The following LTBP1 variants were observed in gnomAD, a reference collection of about 807,000 sequenced individuals.
The protein encoded by LTBP1 is latent transforming growth factor beta binding protein 1.
A neutral mutation model predicts 207.6 loss-of-function variants in LTBP1; 129 were observed. The ratio of observed to expected loss-of-function variants is 0.62; its 90% CI spans 0.54 to 0.72. The LOEUF (loss-of-function observed/expected upper bound fraction) is 0.72, where lower values mean the gene tolerates loss of function less well. Ranked by LOEUF, LTBP1 falls within the 30% of genes least tolerant of loss-of-function variation. The pLI is 0.00. For synonymous variants in LTBP1, 963 were observed against 833.7 expected, an observed-to-expected ratio of 1.16 and a Z score of -2.67; for missense variants, 2,281 against 2,217.2, an observed-to-expected ratio of 1.03 and a Z score of -0.58.
chr2:33,016,789 G>T (rs1355745011), intron 2 of LTBP1, among the ~76,000 whole-genome samples: 1 of 152,232 alleles, frequency 6.6e-6, no homozygotes, highest in East Asian at 1.9e-4. Flanking sequence ...TTGGGAGGCT[G>T]AAGTGGGTGG....
At chr2:33,174,846 A>T (rs1421139844) in intron 5 of LTBP1, among the ~76,000 whole-genome samples, 1 of 152,134 alleles carries the variant, frequency 6.6e-6, no homozygotes, top group East Asian at 1.9e-4. Context: ...CCTCAGAAAT[A>T]ACGCCGCATA....
chr2:33,313,438 T>TTAA (rs775817711), intron 23 of LTBP1, among the ~76,000 whole-genome samples: 9 of 151,870 alleles, frequency 5.9e-5, no homozygotes, highest in Non-Finnish European at 1.0e-4. Context: ...AAGGGATGAC[T>TTAA]TTATTGAGGA....
At chr2:33,260,253 CTTT>C (rs1387189525) in intron 13 of LTBP1, among the ~76,000 whole-genome samples, 1 of 152,042 alleles carries the variant, frequency 6.6e-6, no homozygotes, top group Non-Finnish European at 1.5e-5. Flanking sequence ...GGCTTTCTTT[CTTT>C]AATAAAAACA....
chr2:33,057,990 C>A (rs1209952053), intron 3 of LTBP1, among the ~76,000 whole-genome samples: 2 of 152,250 alleles, frequency 1.3e-5, no homozygotes, highest in African/African-American at 4.8e-5. Context: ...TGTCACCTCT[C>A]AATATCACTG....
chr2:33,206,660 AC>A (rs1208364694), intron 7 of LTBP1, among the ~76,000 whole-genome samples: 1 of 151,332 alleles, frequency 6.6e-6, no homozygotes, highest in Non-Finnish European at 1.5e-5. Flanking sequence ...AATGGCGTGA[AC>A]CTGGGAGGCG....
At chr2:33,197,713 T>C (rs140741954) in intron 7 of LTBP1, among the ~76,000 whole-genome samples, 87 of 152,186 alleles carry the variant, frequency 5.7e-4, no homozygotes, top group African/African-American at 2.0e-3. Context: ...GACCTAGTTA[T>C]GCCAGATGGT....
At chr2:33,295,701 T>G (rs2093861403) in intron 20 of LTBP1, among the ~76,000 whole-genome samples, 1 of 152,186 alleles carries the variant, frequency 6.6e-6, no homozygotes, top group Admixed American at 6.5e-5. Context: ...TCTGCTTACT[T>G]TTACATCTAA....
intron 3 of LTBP1, among the ~76,000 whole-genome samples, chr2:33,068,276 T>G (rs2077617935): frequency 6.6e-6 from 1 of 152,006 alleles, no homozygotes; most frequent in South Asian, 2.1e-4. Flanking sequence ...TTTTAAACAA[T>G]AAACATTATT....
intron 7 of LTBP1, among the ~76,000 whole-genome samples, chr2:33,198,910 C>T (rs1398887050): frequency 6.6e-6 from 1 of 152,096 alleles, no homozygotes; most frequent in Non-Finnish European, 1.5e-5. Context: ...GAGTTCTGCT[C>T]TGATTTTAGT....
At chr2:33,217,684 G>C in intron 8 of LTBP1, 30 bp downstream of exon 8, 1 of 1,499,432 alleles carries the variant, frequency 6.7e-7, no homozygotes, top group Non-Finnish European at 9.3e-7. Context: ...TCCTTTGCAG[G>C]TTAATGTAGC....
chr2:33,247,060 G>A (rs1474318019), intron 10 of LTBP1, among the ~76,000 whole-genome samples: 4 of 152,200 alleles, frequency 2.6e-5, no homozygotes, highest in African/African-American at 7.2e-5. Context: ...GATGAGTGCT[G>A]CTGAGAATGT....
rs372016996 is a variant in LTBP1, at chr2:33,020,177, T to C, written c.566-732T>C. On this transcript the variant is annotated intron_variant, in intron 2 of 33. Coordinates refer to ENST00000404816, the MANE Select transcript of LTBP1 (RefSeq NM_206943.4). ...TTTTATACAAACTAGCAGGTGTGTT[T>C]TGGGCGACTCTCAACCTTTCTGCCC... is the stretch of plus-strand genomic sequence containing the variant. 1.9e-4 allele frequency among the ~76,000 whole-genome samples: 29 copies of C among 152,306 alleles called. 2 individuals are homozygous for C. The East Asian group carries it at 2.1e-3, about 11-fold the overall frequency.
chr2:33,200,317 T>G (rs554123516), intron 7 of LTBP1, among the ~76,000 whole-genome samples: 2 of 152,068 alleles, frequency 1.3e-5, no homozygotes, highest in Non-Finnish European at 2.9e-5. Flanking sequence ...TCAGAAATAA[T>G]GCCACATATC....
intron 5 of LTBP1, among the ~76,000 whole-genome samples, chr2:33,139,444 G>A (rs1486212293): frequency 6.6e-6 from 1 of 152,194 alleles, no homozygotes; most frequent in Non-Finnish European, 1.5e-5. Context: ...GAGATGAAGG[G>A]TATATGTAAA....
intron 31 of LTBP1, among the ~76,000 whole-genome samples, chr2:33,377,956 C>T (rs1416296590): frequency 6.6e-6 from 1 of 152,174 alleles, no homozygotes; most frequent in African/African-American, 2.4e-5. Context: ...ATCCAGTCAC[C>T]TCCCACCAGG....
intron 5 of LTBP1, among the ~76,000 whole-genome samples, chr2:33,151,856 TGTGTG>T (rs1558713243): frequency 6.6e-6 from 1 of 151,030 alleles, no homozygotes; most frequent in East Asian, 1.9e-4. Context: ...TGTGTGTGTG[TGTGTG>T]TGTGTGTGTG....
intron 5 of LTBP1, among the ~76,000 whole-genome samples, chr2:33,170,406 C>G (rs2085320026): frequency 6.6e-6 from 1 of 152,124 alleles, no homozygotes; most frequent in African/African-American, 2.4e-5. Context: ...TGATTGCTAG[C>G]ACAGCAGTCT....
intron 30 of LTBP1, among the ~76,000 whole-genome samples, chr2:33,364,907 A>C (rs1230818880): frequency 6.6e-6 from 1 of 152,240 alleles, no homozygotes; most frequent in African/African-American, 2.4e-5. Context: ...TCTAGGATGA[A>C]GGGTCACTAG....
chr2:33,311,703 T>C (rs2094190717), intron 23 of LTBP1, among the ~76,000 whole-genome samples: 1 of 152,190 alleles, frequency 6.6e-6, no homozygotes, highest in South Asian at 2.1e-4. Context: ...ATTGCATAAA[T>C]TTAACTTCTA....
Sources: allele counts gnomAD v4.1 joint callset (sites outside exome capture counted in the v4.1 genomes callset), GRCh38; gene constraint gnomAD v4.1.1; transcripts MANE v1.5; gene names NCBI Gene and HGNC (gene_info 2026-07-23, HGNC 2026-07-21).